Variants in GOLGA1 observed in about 807,000 individuals in gnomAD.
GOLGA1 encodes golgin subfamily A member 1.
GOLGA1 carries 63 observed loss-of-function variants against 119.7 expected under a neutral mutation model. That is an observed-to-expected ratio of 0.53 (90% CI 0.43 to 0.65). The LOEUF (loss-of-function observed/expected upper bound fraction) is 0.65, where lower values mean the gene tolerates loss of function less well. Among genes scored for constraint, GOLGA1 ranks in the 30% least tolerant of loss-of-function variants. The pLI is 0.00. For missense variants in GOLGA1, 798 were observed against 912.8 expected (o/e 0.87, Z 1.62); for synonymous variants, 318 against 333.4 (o/e 0.95, Z 0.50).
In GOLGA1 at chr9:124,905,428, C is replaced by T. The variant is rs186590344; in HGVS notation, c.1065+2949G>A. Among the ~76,000 whole-genome samples the T allele has an allele frequency of 3.4e-4, 51 of 152,222 alleles. 1 individual carries two copies. The highest frequency in any genetic ancestry group is 8.8e-5 in the Non-Finnish European group (6 of 68,008). The stretch of plus-strand genomic sequence containing the variant: ...AGTGAGCCGAGATCATGCCACTGCA[C>T]TCCAGCCTGGATGAGAGTGAGACTC... On this transcript the variant is annotated intron_variant, in intron 12 of 22. Coordinates refer to ENST00000373555, the MANE Select transcript of GOLGA1 (RefSeq NM_002077.4).
In GOLGA1 at chr9:124,903,651, C is replaced by CAAAAAAAAAAAAAAAAAAAAAAAAA. The variant is rs11435294; in HGVS notation, c.1066-3105_1066-3104insTTTTTTTTTTTTTTTTTTTTTTTTT. Among the ~76,000 whole-genome samples, 3 of 91,280 alleles carry CAAAAAAAAAAAAAAAAAAAAAAAAA rather than the reference C, an allele frequency of 3.3e-5. 1 individual carries two copies. The highest frequency in any genetic ancestry group is 4.4e-5 in the African/African-American group (1 of 22,612). The allele number at this position is 91,280 out of a possible 152,430, so 59.9% of individuals were successfully genotyped here. A position where few individuals can be genotyped will look rare whatever the true frequency, so the allele number is the denominator to read the frequency against. On this transcript the variant is annotated intron_variant, in intron 12 of 22. Coordinates refer to ENST00000373555, the MANE Select transcript of GOLGA1 (RefSeq NM_002077.4). ...CTCCACAAAAAGGGGAGAAAAAGAC[C>CAAAAAAAAAAAAAAAAAAAAAAAAA]AAAAAAAAAAAAAAAAAAAAAGACA... is the stretch of plus-strand genomic sequence containing the variant.
intron 7 of GOLGA1, among the ~76,000 whole-genome samples, chr9:124,925,272 TAA>T (rs1188022217): frequency 6.6e-6 from 1 of 151,704 alleles, no homozygotes. Context: ...GCCATAATCT[TAA>T]GAGTTTCTTT....
chr9:124,891,941 A>G (rs1829865282), intron 15 of GOLGA1, among the ~76,000 whole-genome samples: 1 of 147,184 alleles, frequency 6.8e-6, no homozygotes, highest in South Asian at 2.2e-4. Flanking sequence ...CACTGCGCCC[A>G]GCCTCCCTCC....
intron 10 of GOLGA1, among the ~76,000 whole-genome samples, chr9:124,915,829 C>T (rs1373541638): frequency 1.3e-5 from 2 of 150,972 alleles, no homozygotes; most frequent in South Asian, 4.2e-4. Context: ...AATGGCAGGG[C>T]GTGGTGGCTC....
intron 10 of GOLGA1, among the ~76,000 whole-genome samples, chr9:124,914,493 C>G (rs1830401912): frequency 6.6e-6 from 1 of 151,892 alleles, no homozygotes; most frequent in Non-Finnish European, 1.5e-5. Context: ...GAGCGACACT[C>G]CGTCTCAAAG....
intron 10 of GOLGA1, among the ~76,000 whole-genome samples, chr9:124,913,794 TGCTATGA>T (rs1470726541): frequency 6.6e-6 from 1 of 152,160 alleles, no homozygotes; most frequent in Admixed American, 6.5e-5. Context: ...ACACACACCG[TGCTATGA>T]GATATGAGAT....
chr9:124,892,365 A>G (rs971233604), intron 15 of GOLGA1, among the ~76,000 whole-genome samples: 5 of 152,186 alleles, frequency 3.3e-5, no homozygotes, highest in Admixed American at 3.3e-4. Flanking sequence ...CTCAATTTTC[A>G]GGCTTTCTTC....
intron 3 of GOLGA1, among the ~76,000 whole-genome samples, chr9:124,938,360 G>A (rs1428374147): frequency 3.6e-5 from 5 of 140,318 alleles, no homozygotes; most frequent in Non-Finnish European, 7.6e-5. Context: ...AGAATATGGA[G>A]AGGAACTCAC....
intron 6 of GOLGA1, 31 bp downstream of exon 6, chr9:124,928,157 C>T (rs1830707322): frequency 1.1e-6 from 1 of 913,056 alleles, no homozygotes; most frequent in Admixed American, 2.3e-5. Flanking sequence ...AATCTTTCCA[C>T]CAGTTCTGGG....
chr9:124,889,278 T>C lies in GOLGA1; in HGVS notation c.1626A>G (p.Ile542Met), dbSNP rs1829800275. The C allele has an allele frequency of 3.1e-6, 5 of 1,613,842 alleles. No individual in the cohort carries two copies. The highest frequency in any genetic ancestry group is 4.2e-6 in the Non-Finnish European group (5 of 1,179,872). Residue 542 changes from isoleucine (I) to methionine (M), a missense_variant, in exon 18 of 23, where the codon ATA becomes ATG. By Grantham distance (10) the Ile-to-Met change is conservative. Coordinates refer to ENST00000373555, the MANE Select transcript of GOLGA1 (RefSeq NM_002077.4). ...CCTCCAGCTCGGCCTGCAGCTGGTG[T>C]ATCTGCAGCAGGGCAGAGTTGTGAC... ...ERGHNSALLQ[I>M]HQLQAELEAL... is the part of the protein sequence containing the mutation.
rs1453045015 is a variant in GOLGA1 at position 124,899,438 on chromosome 9, G to A, written c.1202C>T (p.Ala401Val). 1.9e-6 allele frequency: 3 copies of A among 1,547,718 alleles called. No homozygotes were observed. The highest frequency in any genetic ancestry group is 2.6e-6 in the Non-Finnish European group (3 of 1,148,410). Residue 401 changes from alanine (A) to valine (V), a missense_variant, in exon 14 of 23, where the codon GCC becomes GTC. Coordinates refer to ENST00000373555, the MANE Select transcript of GOLGA1 (RefSeq NM_002077.4). ...CAAGAACTGCTGCTCCAGAGCAAGGGCCTGCTGCTGCACATGGCTGCTCTC... is the reference window on the plus strand; with the variant it reads ...CAAGAACTGCTGCTCCAGAGCAAGGACCTGCTGCTGCACATGGCTGCTCTC... ...NQESSHVQQQ[A>V]LALEQQFLER...
Position 124,878,958 on chromosome 9 carries a change from ACTGT to A in GOLGA1, c.*1568_*1571del, listed in dbSNP as rs1333294657. ...AAATTCGTGTTCTAAACAAGGGATA[ACTGT>A]CTGCAAGGAGGAGCCAGAGGAGGAG... On this transcript the variant is annotated 3_prime_UTR_variant, in exon 23 of 23. Coordinates refer to ENST00000373555, the MANE Select transcript of GOLGA1 (RefSeq NM_002077.4). 3 of 152,378 alleles carry A rather than the reference ACTGT, an allele frequency of 2.0e-5. No individual in the cohort carries two copies. Among genetic ancestry groups the A allele is most frequent in the Non-Finnish European group, 2.9e-5 (2 of 68,034 alleles). The allele number at this position is 152,378 out of a possible 1,614,324, so 9.4% of individuals were successfully genotyped here.
At chr9:124,910,090 C>A (rs1675899888) in intron 11 of GOLGA1, among the ~76,000 whole-genome samples, 2 of 152,200 alleles carry the variant, frequency 1.3e-5, no homozygotes, top group Admixed American at 1.3e-4. Flanking sequence ...GCCACCACGC[C>A]CAGCTAATTT....
chr9:124,885,735 G>A (rs147811406), intron 19 of GOLGA1, among the ~76,000 whole-genome samples: 1 of 152,210 alleles, frequency 6.6e-6, no homozygotes, highest in Non-Finnish European at 1.5e-5. Flanking sequence ...GGAGTGACGA[G>A]GACAGGAGGG....
chr9:124,890,272 G>C, intron 16 of GOLGA1, 117 bp downstream of exon 16: 1 of 715,640 alleles, frequency 1.4e-6, no homozygotes, highest in South Asian at 1.6e-5. Context: ...CCTGAGTCCT[G>C]AGTCTACTAC....
Position 124,929,302 on chromosome 9 carries a change from AG to A in GOLGA1, c.227-13del. 1 of 1,562,590 alleles carries A rather than the reference AG, an allele frequency of 6.4e-7. No individual in the cohort carries two copies. Among genetic ancestry groups the A allele is most frequent in the Non-Finnish European group, 8.8e-7 (1 of 1,133,066 alleles). On this transcript the variant is annotated splice_polypyrimidine_tract_variant and intron_variant, in intron 4 of 22. Coordinates refer to ENST00000373555, the MANE Select transcript of GOLGA1 (RefSeq NM_002077.4). ...CTGTTCAGCATAGTCTTGGGTGAGG[AG>A]GGTGACGCACATACCAGAAATGGAC...
chr9:124,933,375 G>A (rs530598200), intron 3 of GOLGA1, among the ~76,000 whole-genome samples: 1 of 152,094 alleles, frequency 6.6e-6, no homozygotes, highest in South Asian at 2.1e-4. Flanking sequence ...CAAAAATATG[G>A]GTTTATGCTG....
Position 124,901,436 on chromosome 9 carries a change from A to ATTT in GOLGA1, c.1066-892_1066-890dup, listed in dbSNP as rs35235029. 2.1e-4 allele frequency among the ~76,000 whole-genome samples: 28 copies of ATTT among 131,374 alleles called. 1 individual carries two copies. Among genetic ancestry groups the ATTT allele is most frequent in the East Asian group, 9.0e-4 (4 of 4,450 alleles). The allele number at this position is 131,374 out of a possible 152,430, so 86.2% of individuals were successfully genotyped here. On this transcript the variant is annotated intron_variant, in intron 12 of 22. Transcript: ENST00000373555. ...CAAGCGCACGCCACCACGCCCAGCT[A>ATTT]TTTTTTTTTTTTTTTTGAGATGGAG...
Position 124,881,277 on chromosome 9 carries a change from G to C in GOLGA1, c.2137-20C>G, listed in dbSNP as rs1588051259. ...AAAAGCCTGAAACACAGTAAGTTTTGCTGCCATAGGCCTTGGTGAAGGTGA... is the reference window on the plus strand; with the variant it reads ...AAAAGCCTGAAACACAGTAAGTTTTCCTGCCATAGGCCTTGGTGAAGGTGA... On this transcript the variant is annotated intron_variant, in intron 21 of 22. Coordinates refer to ENST00000373555, the MANE Select transcript of GOLGA1 (RefSeq NM_002077.4). The surrounding 1 kb of genome is among the most constrained non-coding windows in gnomAD (Gnocchi z 4.9). The C allele has an allele frequency of 1.4e-6, 2 of 1,433,238 alleles. No individual in the cohort carries two copies. Among genetic ancestry groups the C allele is most frequent in the Non-Finnish European group, 2.0e-6 (2 of 1,014,526 alleles). The allele number at this position is 1,433,238 out of a possible 1,614,324, so 88.8% of individuals were successfully genotyped here. A position where few individuals can be genotyped will look rare whatever the true frequency, so the allele number is the denominator to read the frequency against.
Sources: allele counts gnomAD v4.1 joint callset (sites outside exome capture counted in the v4.1 genomes callset), GRCh38; gene constraint gnomAD v4.1.1; non-coding constraint Gnocchi (gnomAD v3.1); transcripts MANE v1.5; gene names NCBI Gene and HGNC (gene_info 2026-07-23, HGNC 2026-07-21).